The following ATF1 variants were observed in gnomAD, a reference collection of about 807,000 sequenced individuals.
ATF1 encodes cyclic AMP-dependent transcription factor ATF-1.
ATF1 carries 16 observed loss-of-function variants against 34.7 expected under a neutral mutation model. The observed-to-expected ratio is 0.46, with a 90% CI of 0.31 to 0.70. The LOEUF (loss-of-function observed/expected upper bound fraction) is 0.70. Ranked by LOEUF, ATF1 falls within the 30% of genes least tolerant of loss-of-function variation. The probability of loss-of-function intolerance (pLI) is 0.05; values close to 1 mark genes in which losing one functional copy is unlikely to be tolerated. For synonymous variants in ATF1, 105 were observed against 113.1 expected (o/e 0.93, Z 0.46); for missense variants, 255 against 321.6 (o/e 0.79, Z 1.58).
intron 1 of ATF1, among the ~76,000 whole-genome samples, chr12:50,770,792 T>G (rs1940750691): frequency 6.6e-6 from 1 of 152,218 alleles, no homozygotes. Context: ...ACCCTGCGTA[T>G]TCTTGTAAAC....
At chr12:50,773,001 T>C (rs889298815) in intron 1 of ATF1, among the ~76,000 whole-genome samples, 6 of 152,202 alleles carry the variant, frequency 3.9e-5, no homozygotes, top group Non-Finnish European at 5.9e-5. Flanking sequence ...CTCCTACTTA[T>C]AAGTGAGAAC....
chr12:50,768,186 C>T (rs7299901), intron 1 of ATF1, among the ~76,000 whole-genome samples: 4,110 of 152,128 alleles, frequency 0.027, 184 homozygotes, highest in African/African-American at 0.094. Flanking sequence ...TTTTGCACTT[C>T]CGTGGCAACA....
At chr12:50,798,594 T>C (rs1038466071) in intron 3 of ATF1, among the ~76,000 whole-genome samples, 4 of 152,062 alleles carry the variant, frequency 2.6e-5, no homozygotes, top group Middle Eastern at 3.4e-3. Flanking sequence ...CAGGCGTGAG[T>C]CACCATGCCC....
At chr12:50,804,894 C>T (rs1235987333) in intron 3 of ATF1, among the ~76,000 whole-genome samples, 2 of 151,768 alleles carry the variant, frequency 1.3e-5, no homozygotes, top group East Asian at 1.9e-4. Flanking sequence ...TTACTGCAAC[C>T]TCCGCCTTCC....
Position 50,785,284 on chromosome 12 carries a change from T to TAC in ATF1, c.93+5100_93+5101dup, listed in dbSNP as rs56040362. On this transcript the variant is annotated intron_variant, in intron 2 of 6. Coordinates refer to ENST00000262053, the MANE Select transcript of ATF1 (RefSeq NM_005171.5). ...TCAAAAAAAAAATTATATATATACA[T>TAC]ACACACACACACACACACACACACA... Among the ~76,000 whole-genome samples the TAC allele has an allele frequency of 2.4e-3, 307 of 128,468 alleles. 2 individuals carry two copies. The highest frequency in any genetic ancestry group is 8.2e-3 in the African/African-American group (271 of 33,194). 84.3% of individuals were successfully genotyped at this position (128,468 alleles called of 152,430 possible).
intron 2 of ATF1, among the ~76,000 whole-genome samples, chr12:50,786,062 A>G (rs1941179938): frequency 6.6e-6 from 1 of 152,272 alleles, no homozygotes; most frequent in Non-Finnish European, 1.5e-5. Flanking sequence ...GGGCCACCCT[A>G]AAATCTGTTG....
At chr12:50,813,125 C>T (rs997058119) in intron 4 of ATF1, among the ~76,000 whole-genome samples, 1 of 152,084 alleles carries the variant, frequency 6.6e-6, no homozygotes, top group Non-Finnish European at 1.5e-5. Flanking sequence ...GCCTTATGGG[C>T]ATTTAAGGGC....
chr12:50,780,687 G>A (rs1941039664), intron 2 of ATF1, among the ~76,000 whole-genome samples: 1 of 151,416 alleles, frequency 6.6e-6, no homozygotes, highest in South Asian at 2.1e-4. Context: ...CAAAGGCCAG[G>A]CGCAGTGGCT....
At position 50,795,940 on chromosome 12, in the gene ATF1, A is replaced by C. The variant is rs1209336853; in HGVS notation, c.125A>C (p.Gln42Pro). The C allele has an allele frequency of 1.3e-5, 21 of 1,613,278 alleles. No homozygotes were observed. The highest frequency in any genetic ancestry group is 1.7e-5 in the Non-Finnish European group (20 of 1,179,720). The stretch of plus-strand genomic sequence containing the variant: ...TCTTTATCAGAAAGTGAGGAGTCCC[A>C]GGACTCATCCGACAGCATAGGCTCC... The part of the protein sequence containing the change: ...VSSLSESEES[Q>P]DSSDSIGSSQ... The change falls in exon 3 of 7, where the codon CAG becomes CCG. Residue 42 changes from glutamine (Q) to proline (P), a missense_variant. Around this residue, in one of 2 missense-constraint regions of ATF1, gnomAD observed 221 missense variants for 250.7 expected, o/e 0.88. Coordinates refer to ENST00000262053, the MANE Select transcript of ATF1 (RefSeq NM_005171.5).
chr12:50,788,185 A>G (rs1018207730), intron 2 of ATF1: 21 of 449,926 alleles, frequency 4.7e-5, no homozygotes, highest in East Asian at 7.0e-5. Context: ...TTTATAGCCA[A>G]TCTTTTTTTT....
In ATF1 at chr12:50,809,550, G is replaced by T. The variant is rs369352834; in HGVS notation, c.289G>T (p.Val97Phe). Residue 97 changes from valine (V) to phenylalanine (F), a missense_variant, in exon 4 of 7, where the codon GTT becomes TTT. Coordinates refer to ENST00000262053, the MANE Select transcript of ATF1 (RefSeq NM_005171.5). ...GVSAAVTSMS[V>F]PTPIYQTSSG... is the part of the protein sequence containing the mutation. ...TTCTGCTGCTGTCACTTCTATGTCT[G>T]TTCCAACTCCCATCTATCAGACTAG... is the stretch of plus-strand genomic sequence containing the variant. 1.9e-6 allele frequency: 3 copies of T among 1,613,784 alleles called. No individual in the cohort carries two copies. The highest frequency in any genetic ancestry group is 2.5e-6 in the Non-Finnish European group (3 of 1,179,780).
At chr12:50,796,199 A>G (rs985889376) in intron 3 of ATF1, among the ~76,000 whole-genome samples, 190 bp downstream of exon 3, 1 of 152,248 alleles carries the variant, frequency 6.6e-6, no homozygotes, top group Non-Finnish European at 1.5e-5. Flanking sequence ...GTTCAAGACC[A>G]GCCTGGGCAA....
intron 2 of ATF1, among the ~76,000 whole-genome samples, chr12:50,782,171 A>T (rs992915322): frequency 6.6e-6 from 1 of 152,162 alleles, no homozygotes; most frequent in Non-Finnish European, 1.5e-5. Context: ...TTCAACCAAA[A>T]CAATGTATGA....
chr12:50,769,321 A>G (rs2139634492), intron 1 of ATF1, among the ~76,000 whole-genome samples: 1 of 152,276 alleles, frequency 6.6e-6, no homozygotes, highest in South Asian at 2.1e-4. Flanking sequence ...TCTGGCCAAC[A>G]TGGTGAAACC....
Position 50,780,257 on chromosome 12 carries a change from A to C in ATF1, c.93+19A>C. ...TCAACAGGTAAGGGAGGGACTGGCC[A>C]AAATACTGAGCTTGTTAGGAATATT... On this transcript the variant is annotated intron_variant, in intron 2 of 6. Coordinates refer to ENST00000262053, the MANE Select transcript of ATF1 (RefSeq NM_005171.5). 6.5e-7 allele frequency: 1 copy of C among 1,539,206 alleles called. No individual in the cohort carries two copies. Among genetic ancestry groups the C allele is most frequent in the Non-Finnish European group, 9.0e-7 (1 of 1,114,586 alleles).
Position 50,782,921 on chromosome 12 carries a change from G to T in ATF1, c.93+2683G>T, listed in dbSNP as rs10876091. 7.8e-3 allele frequency among the ~76,000 whole-genome samples: 1,187 copies of T among 151,748 alleles called. 15 individuals are homozygous for T. Among genetic ancestry groups the T allele is most frequent in the Non-Finnish European group, 8.5e-3 (575 of 67,980 alleles). On this transcript the variant is annotated intron_variant, in intron 2 of 6. Transcript: ENST00000262053. ...ACCAGGCTGGTCTTGAACTCCTGAC[G>T]TCAAGTGATCCACCCACCTTGGCCT...
rs187567866 is a variant in ATF1 at position 50,776,347 on chromosome 12, G to A, written c.-6-3793G>A. On this transcript the variant is annotated intron_variant, in intron 1 of 6. Coordinates refer to ENST00000262053, the MANE Select transcript of ATF1 (RefSeq NM_005171.5). ...GAAAAAAAAAATTTTTTTTTAATTA[G>A]CCAGATATGGTGATGCATGCCTGTG... is the stretch of plus-strand genomic sequence containing the variant. Among the ~76,000 whole-genome samples the A allele has an allele frequency of 8.6e-3, 890 of 103,664 alleles. 39 individuals are homozygous for A. Among genetic ancestry groups the A allele is most frequent in the Middle Eastern group, 0.037 (7 of 188 alleles). 68.0% of individuals were successfully genotyped at this position (103,664 alleles called of 152,430 possible). A position where few individuals can be genotyped will look rare whatever the true frequency, so the allele number is the denominator to read the frequency against.
intron 1 of ATF1, among the ~76,000 whole-genome samples, chr12:50,772,393 C>G (rs1325892863): frequency 2.1e-5 from 3 of 139,914 alleles, no homozygotes; most frequent in Non-Finnish European, 4.6e-5. Flanking sequence ...ATGGCATGGT[C>G]TCGGCTCACC....
Position 50,777,394 on chromosome 12 carries a change from GA to G in ATF1, c.-6-2738del, listed in dbSNP as rs909462581. 4.3e-4 allele frequency among the ~76,000 whole-genome samples: 65 copies of G among 151,914 alleles called. 1 individual carries two copies. The highest frequency in any genetic ancestry group is 1.7e-3 in the Admixed American group (26 of 15,234). ...AAAAGACTAGTGGTGTATTTGAGGG[GA>G]AAAAAAATTTAAACTACTTTCTGTC... is the stretch of plus-strand genomic sequence containing the variant. On this transcript the variant is annotated intron_variant, in intron 1 of 6. Coordinates refer to ENST00000262053, the MANE Select transcript of ATF1 (RefSeq NM_005171.5).
Sources: allele counts gnomAD v4.1 joint callset (sites outside exome capture counted in the v4.1 genomes callset), GRCh38; gene constraint gnomAD v4.1.1; regional missense constraint gnomAD v4.1.1; transcripts MANE v1.5; gene names NCBI Gene and HGNC (gene_info 2026-07-23, HGNC 2026-07-21).